The following AKR1C3 variants were observed in gnomAD, a reference collection of about 807,000 sequenced individuals.
AKR1C3 encodes the protein aldo-keto reductase family 1 member C3.
A neutral mutation model predicts 43.6 loss-of-function variants in AKR1C3; 48 were observed. The ratio of observed to expected loss-of-function variants is 1.10; its 90% confidence interval spans 0.87 to 1.40. AKR1C3 has a LOEUF of 1.40. Ranked by LOEUF, AKR1C3 falls within the 40% of genes most tolerant of loss-of-function variation. The pLI, the probability that AKR1C3 is intolerant of heterozygous loss-of-function variation, is 0.00. For synonymous variants in AKR1C3, 162 were observed against 139.6 expected (o/e 1.16, Z -1.13); for missense variants, 482 against 391.2 (o/e 1.23, Z -1.96).
In AKR1C3 at chr10:5,097,505, G is replaced by A. The variant is rs1482500639; in HGVS notation, c.324G>A (p.Leu108=). ...AAAACTCACTGAAGAAAGCTCAATTGGACTATGTTGACCTCTATCTTATTC... is the reference window on the plus strand; with the variant it reads ...AAAACTCACTGAAGAAAGCTCAATTAGACTATGTTGACCTCTATCTTATTC... The part of the protein sequence containing the change: ...ALENSLKKAQ[L]DYVDLYLIHS... The change falls in exon 3 of 9, where the codon TTG becomes TTA. Residue 108 remains leucine (L), a synonymous_variant. Transcript: ENST00000380554. The A allele has an allele frequency of 6.2e-7, 1 of 1,613,634 alleles. No homozygotes were observed. Among genetic ancestry groups the A allele is most frequent in the Non-Finnish European group, 8.5e-7 (1 of 1,179,752 alleles).
At chr10:5,101,339 T>G (rs1468905716) in intron 5 of AKR1C3, among the ~76,000 whole-genome samples, 4 of 152,138 alleles carry the variant, frequency 2.6e-5, no homozygotes, top group African/African-American at 9.7e-5. Context: ...GTATTTATTA[T>G]TTTTTGGAGT....
At chr10:5,073,712 GT>G (rs1463069551) in intron 1 of AKR1C3, among the ~76,000 whole-genome samples, 1 of 152,184 alleles carries the variant, frequency 6.6e-6, no homozygotes, top group African/African-American at 2.4e-5. Flanking sequence ...TGCCATGACT[GT>G]ATTTTGGTAT....
upstream of AKR1C3, among the ~76,000 whole-genome samples, chr10:5,092,826 T>C (rs903200111): frequency 2.0e-5 from 3 of 152,038 alleles, no homozygotes; most frequent in Non-Finnish European, 2.9e-5. Context: ...CAACTCGTTT[T>C]CTTTCTTATA....
At chr10:5,074,235 A>G (rs1303562029) in intron 1 of AKR1C3, among the ~76,000 whole-genome samples, 1 of 152,190 alleles carries the variant, frequency 6.6e-6, no homozygotes, top group African/African-American at 2.4e-5. Flanking sequence ...TTGGACACAT[A>G]TCCTCAGGAC....
rs1241488221 is a variant in AKR1C3 at position 5,096,396 on chromosome 10, G to A, written c.85-14G>A. 6.2e-7 allele frequency: 1 copy of A among 1,611,114 alleles called. No homozygotes were observed. The highest frequency in any genetic ancestry group is 1.7e-5 in the Admixed American group (1 of 59,848). On this transcript the variant is annotated splice_polypyrimidine_tract_variant and intron_variant, in intron 1 of 8. Coordinates refer to ENST00000380554, the MANE Select transcript of AKR1C3 (RefSeq NM_003739.6). The stretch of plus-strand genomic sequence containing the variant: ...ACAGTGATCACCAGATACTACCTTT[G>A]GTTGCTCCTCCAGGTTCCGAGAAGT...
intron 8 of AKR1C3, 89 bp from the exon 9 acceptor site, chr10:5,107,372 C>G (rs1554787489): frequency 1.2e-5 from 11 of 937,316 alleles, no homozygotes; most frequent in South Asian, 1.4e-5. Context: ...ACTTAACATT[C>G]ATACTAATGA....
chr10:5,097,763 C>A (rs1379243556), intron 3 of AKR1C3: 4 of 1,314,374 alleles, frequency 3.0e-6, no homozygotes, highest in East Asian at 7.1e-5. Flanking sequence ...GTACAGCAAC[C>A]TCAAAGCCTC....
chr10:5,058,548 G>T (rs1554779865), intron 1 of AKR1C3, among the ~76,000 whole-genome samples: 2 of 152,104 alleles, frequency 1.3e-5, no homozygotes, highest in South Asian at 2.1e-4. Context: ...TGTGGTTTTG[G>T]TTTGTTTTGT....
intron 1 of AKR1C3, among the ~76,000 whole-genome samples, chr10:5,052,513 G>A (rs1431755161): frequency 6.6e-6 from 1 of 152,162 alleles, no homozygotes; most frequent in African/African-American, 2.4e-5. Context: ...CATTTTGACA[G>A]GGTGCTGATT....
At chr10:5,057,248 G>A (rs1450362819) in intron 1 of AKR1C3, among the ~76,000 whole-genome samples, 5 of 152,192 alleles carry the variant, frequency 3.3e-5, no homozygotes, top group African/African-American at 1.2e-4. Flanking sequence ...CCTACCAGGT[G>A]ATGGGCCTGC....
At chr10:5,087,722 C>T (rs551088120) in intron 1 of AKR1C3, among the ~76,000 whole-genome samples, 19 of 151,022 alleles carry the variant, frequency 1.3e-4, no homozygotes, top group African/African-American at 3.6e-4. Flanking sequence ...CTTTTTTTTT[C>T]TTTGTTAGCT....
rs782031773 is a variant in AKR1C3 at position 5,102,442 on chromosome 10, A to G, written c.681-43A>G. 5 of 1,337,182 alleles carry G rather than the reference A, an allele frequency of 3.7e-6. No homozygotes were observed. The East Asian group carries it at 7.1e-5, about 19-fold the overall frequency. 82.8% of individuals were successfully genotyped at this position (1,337,182 alleles called of 1,614,324 possible). On this transcript the variant is annotated intron_variant, in intron 6 of 8. Coordinates refer to ENST00000380554, the MANE Select transcript of AKR1C3 (RefSeq NM_003739.6). ...TGTTTAGGGAGCCGCCTAACAAACT[A>G]TCGCCAGCCTCAGGGCCTCAGCCTT...
At chr10:5,103,459 G>A (rs191961701) in intron 7 of AKR1C3, among the ~76,000 whole-genome samples, 28 of 152,158 alleles carry the variant, frequency 1.8e-4, no homozygotes, top group African/African-American at 4.3e-4. Flanking sequence ...GAAAACCACT[G>A]ATTTACTCAG....
Position 5,097,536 on chromosome 10 carries a change from C to T in AKR1C3, c.355C>T (p.Pro119Ser), listed in dbSNP as rs1588355201. ...TGTTGACCTCTATCTTATTCATTCT[C>T]CAATGTCTCTAAAGGTATGCAGTTT... is the stretch of plus-strand genomic sequence containing the variant. ...DYVDLYLIHS[P>S]MSLKPGEELS... The change falls in exon 3 of 9, where the codon CCA becomes TCA. Residue 119 changes from proline (P) to serine (S), a missense_variant. Physicochemically the swap from Pro to Ser is moderately conservative, Grantham distance 74 (BLOSUM62 -1). Transcript: ENST00000380554. 1 of 1,613,590 alleles carries T rather than the reference C, an allele frequency of 6.2e-7. No homozygotes were observed. The highest frequency in any genetic ancestry group is 8.5e-7 in the Non-Finnish European group (1 of 1,179,600).
At chr10:5,096,938 G>A (rs1839220929) in intron 2 of AKR1C3, among the ~76,000 whole-genome samples, 2 of 152,102 alleles carry the variant, frequency 1.3e-5, no homozygotes, top group Non-Finnish European at 2.9e-5. Flanking sequence ...CTTTATCAGT[G>A]AGATAGAAAG....
chr10:5,081,856 C>G (rs1297236073), intron 1 of AKR1C3: 1 of 152,110 alleles, frequency 6.6e-6, no homozygotes, highest in Admixed American at 6.6e-5. Flanking sequence ...GCCCTCAGCC[C>G]CATGGGGAAG....
At position 5,068,413 on chromosome 10, in the gene AKR1C3, A is replaced by C. The variant is rs532240712; in HGVS notation, c.84+19518A>C. On this transcript the variant is annotated intron_variant, in intron 1 of 8. Coordinates refer to the AKR1C3 transcript ENST00000439082. ...ATTAGAAAAGACAATTTTGAAACTG[A>C]AGTTTGATTTTGGAATTCCAGATTG... 5.9e-5 allele frequency among the ~76,000 whole-genome samples: 9 copies of C among 152,174 alleles called. No homozygotes were observed. The South Asian group carries it at 1.9e-3, about 32-fold the overall frequency.
chr10:5,085,653 C>G (rs1276390319), intron 1 of AKR1C3, among the ~76,000 whole-genome samples: 2 of 151,890 alleles, frequency 1.3e-5, no homozygotes, highest in Non-Finnish European at 1.5e-5. Context: ...AGGAACGGTA[C>G]CAGCTCTTCT....
At chr10:5,101,446 A>G (rs1839348668) in intron 5 of AKR1C3, among the ~76,000 whole-genome samples, 2 of 143,454 alleles carry the variant, frequency 1.4e-5, no homozygotes. Flanking sequence ...AAAATGAAGA[A>G]CAAATATTCC....
Sources: gnomAD v4.1 joint callset for allele counts (sites outside exome capture counted in the v4.1 genomes callset) on GRCh38, gnomAD v4.1.1 for gene constraint, MANE v1.5 for transcripts, NCBI Gene and HGNC (gene_info 2026-07-23, HGNC 2026-07-21) for gene names.